ACCSL: variants seen among roughly 807,000 people sequenced by gnomAD.
ACCSL encodes the protein 1-aminocyclopropane-1-carboxylate synthase homolog (inactive) like, also known as probable inactive 1-aminocyclopropane-1-carboxylate synthase-like protein 2.
ACCSL carries 55 observed loss-of-function variants against 61.7 expected under a neutral mutation model. The observed-to-expected ratio is 0.89, with a 90% confidence interval of 0.72 to 1.12. The LOEUF is 1.12. ACCSL is among the 50% of genes most tolerant of loss of function. The pLI is 0.00. For synonymous variants in ACCSL, 258 were observed against 264.3 expected (o/e 0.98, Z 0.23); for missense variants, 632 against 698.0 (o/e 0.91, Z 1.07).
At chr11:44,022,997 T>A in the ACCSL span, among the ~76,000 whole-genome samples, 1 of 151,912 alleles carries the variant, frequency 6.6e-6, no homozygotes, top group African/African-American at 2.4e-5. Flanking sequence ...ATTCAATCTC[T>A]TTATTTATTA....
At chr11:43,944,551 C>T in the ACCSL span, 2 of 152,638 alleles carry the variant, frequency 1.3e-5, no homozygotes, top group African/African-American at 2.4e-5. Context: ...CTGAAGGGCA[C>T]CTGGGTACCA....
chr11:44,055,763 C>T (rs1487788411), intron 9 of ACCSL, among the ~76,000 whole-genome samples: 2 of 152,244 alleles, frequency 1.3e-5, no homozygotes, highest in Non-Finnish European at 2.9e-5. Flanking sequence ...GAGCCAACTG[C>T]CAGGAAAGTG....
chr11:44,033,496 T>C, the ACCSL span, among the ~76,000 whole-genome samples: 9 of 152,152 alleles, frequency 5.9e-5, no homozygotes, highest in African/African-American at 2.2e-4. Context: ...AACCAGGCCA[T>C]TGACACGGCC....
the ACCSL span, among the ~76,000 whole-genome samples, chr11:44,033,401 G>A: frequency 6.6e-6 from 1 of 152,130 alleles, no homozygotes; most frequent in Non-Finnish European, 1.5e-5. Context: ...GAACTTCTTA[G>A]GGAATCCTGG....
chr11:44,031,593 G>T, the ACCSL span, among the ~76,000 whole-genome samples: 3 of 152,156 alleles, frequency 2.0e-5, no homozygotes, highest in Non-Finnish European at 2.9e-5. Flanking sequence ...GAGGAGGTGG[G>T]AGGGCCTTCA....
the ACCSL span, among the ~76,000 whole-genome samples, chr11:43,984,251 A>T: frequency 6.6e-6 from 1 of 152,168 alleles, no homozygotes; most frequent in Non-Finnish European, 1.5e-5. Context: ...CCAAATAATG[A>T]TGCAATGATT....
the ACCSL span, chr11:43,942,575 G>A: frequency 3.3e-6 from 1 of 304,044 alleles, no homozygotes; most frequent in Non-Finnish European, 6.5e-6. Context: ...GCTGTCATCC[G>A]AGCTCAGAGC....
the ACCSL span, among the ~76,000 whole-genome samples, chr11:44,033,347 G>A: frequency 2.0e-5 from 3 of 152,226 alleles, no homozygotes; most frequent in African/African-American, 4.8e-5. Context: ...CAAAAACTCC[G>A]TATCAGACCA....
In ACCSL at chr11:44,048,093, C is replaced by T; in HGVS notation, c.57C>T (p.Val19=). The T allele has an allele frequency of 4.3e-6, 7 of 1,614,130 alleles. No individual in the cohort carries two copies. The highest frequency in any genetic ancestry group is 5.9e-6 in the Non-Finnish European group (7 of 1,179,996). Reference sequence around the variant, plus strand: ...CCTCTGGTCAGAGGAGAGGCCGGGTCCCCAGAGACCACAGCATCTATACCC... The same window carrying T: ...CCTCTGGTCAGAGGAGAGGCCGGGTTCCCAGAGACCACAGCATCTATACCC... ...PVPSGQRRGR[V]PRDHSIYTQL... The change falls in exon 1 of 14, where the codon GTC becomes GTT. Residue 19 remains valine, a synonymous_variant. Coordinates refer to ENST00000378832, the MANE Select transcript of ACCSL (RefSeq NM_001031854.2).
At chr11:43,933,018 T>C in the ACCSL span, 1 of 453,812 alleles carries the variant, frequency 2.2e-6, no homozygotes, top group Non-Finnish European at 4.4e-6. Flanking sequence ...GGCTTGGTAC[T>C]ACCTGGGAAA....
chr11:43,956,309 C>T, the ACCSL span, among the ~76,000 whole-genome samples: 1 of 152,152 alleles, frequency 6.6e-6, no homozygotes, highest in South Asian at 2.1e-4. Context: ...TACAGAAAAA[C>T]CTTTAGGCTG....
At chr11:44,058,171 T>G in intron 11 of ACCSL, 146 bp from the exon 12 acceptor site, 1 of 1,036,144 alleles carries the variant, frequency 9.7e-7, no homozygotes, top group South Asian at 1.7e-5. Context: ...AAACTCTGGT[T>G]TTTTTGTTTT....
At chr11:43,943,213 G>A in the ACCSL span, 2 of 1,527,352 alleles carry the variant, frequency 1.3e-6, no homozygotes, top group Non-Finnish European at 8.8e-7. This position sits in a 1 kb window ranked among gnomAD's most constrained non-coding sequence, Gnocchi z 4.8. Context: ...AGCGGGAGCA[G>A]CTCAGCAGCT....
In ACCSL at chr11:44,055,238, G is replaced by T; in HGVS notation, c.1086G>T (p.Met362Ile). 6.2e-7 allele frequency: 1 copy of T among 1,612,588 alleles called. No individual in the cohort carries two copies. The highest frequency in any genetic ancestry group is 8.5e-7 in the Non-Finnish European group (1 of 1,178,852). Residue 362 changes from methionine (M) to isoleucine (I), a missense_variant, in exon 9 of 14, where the codon ATG becomes ATT. Physicochemically the swap from Met to Ile is conservative, Grantham distance 10. Coordinates refer to ENST00000378832, the MANE Select transcript of ACCSL (RefSeq NM_001031854.2). ...ATGTGATCATAGATGAGATTTACATGCTGTCTGTGTTTGATGAATCCATCA... is the reference window on the plus strand; with the variant it reads ...ATGTGATCATAGATGAGATTTACATTCTGTCTGTGTTTGATGAATCCATCA... ...NLHVIIDEIY[M>I]LSVFDESITF...
intron 3 of ACCSL, 136 bp downstream of exon 3, chr11:44,050,758 A>G (rs1391570208): frequency 1.4e-6 from 1 of 729,040 alleles, no homozygotes; most frequent in South Asian, 1.8e-5. Context: ...AAATGCCTAG[A>G]GCAAAACTTC....
rs542605197 is a variant in ACCSL, at chr11:44,059,367, T to G, written c.1625-471T>G. ...GTCCCTGTATGCCATACTAGAGAGT[T>G]TAGATTCTCCTCTGAGGTTATAGAG... On this transcript the variant is annotated intron_variant, in intron 13 of 13. Coordinates refer to ENST00000378832, the MANE Select transcript of ACCSL (RefSeq NM_001031854.2). Among the ~76,000 whole-genome samples the G allele has an allele frequency of 2.8e-4, 43 of 152,300 alleles. 1 individual carries two copies. In the South Asian group the frequency reaches 8.7e-3, roughly 31 times the overall value.
At chr11:43,941,425 G>A in the ACCSL span, among the ~76,000 whole-genome samples, 4 of 152,226 alleles carry the variant, frequency 2.6e-5, no homozygotes, top group Admixed American at 6.5e-5. Context: ...GAGTGGATAC[G>A]GAAAGGACGG....
At chr11:43,992,395 T>C in the ACCSL span, among the ~76,000 whole-genome samples, 1 of 152,170 alleles carries the variant, frequency 6.6e-6, no homozygotes, top group Non-Finnish European at 1.5e-5. Flanking sequence ...TGCAGGATAG[T>C]CTTTCCAGCC....
At chr11:43,970,528 C>T in the ACCSL span, among the ~76,000 whole-genome samples, 2 of 152,176 alleles carry the variant, frequency 1.3e-5, no homozygotes, top group Non-Finnish European at 2.9e-5. Flanking sequence ...TGAGAACATA[C>T]GTCTCATTCC....
Sources: allele counts gnomAD v4.1 joint callset (sites outside exome capture counted in the v4.1 genomes callset), GRCh38; gene constraint gnomAD v4.1.1; non-coding constraint Gnocchi (gnomAD v3.1); transcripts MANE v1.5; gene names NCBI Gene and HGNC (gene_info 2026-07-23, HGNC 2026-07-21).